Variants in IL6ST observed in about 807,000 individuals in gnomAD.
IL6ST encodes interleukin 6 cytokine family signal transducer, also known as interleukin-6 receptor subunit beta.
Under a neutral mutation model 91.3 loss-of-function variants are expected in IL6ST, and 24 were observed. The ratio of observed to expected loss-of-function variants is 0.26; its 90% CI spans 0.19 to 0.37. IL6ST has a LOEUF of 0.37. Among genes scored for constraint, IL6ST ranks in the 10% least tolerant of loss-of-function variants. The probability of loss-of-function intolerance (pLI) is 1.00; values close to 1 mark genes in which losing one functional copy is unlikely to be tolerated. For missense variants in IL6ST, 914 were observed against 1,078.5 expected, an observed-to-expected ratio of 0.85 and a Z score of 2.14; for synonymous variants, 351 against 373.6, an observed-to-expected ratio of 0.94 and a Z score of 0.70.
chr5:55,942,843 C>G, intron 15 of IL6ST, 92 bp from the exon 16 acceptor site: 1 of 656,204 alleles, frequency 1.5e-6, no homozygotes. Context: ...AAGACTCTTA[C>G]AAACCAAACC....
chr5:55,961,343 T>C (rs1198557506), intron 7 of IL6ST, among the ~76,000 whole-genome samples: 1 of 152,148 alleles, frequency 6.6e-6, no homozygotes, highest in Admixed American at 6.5e-5. Context: ...ACAGTGCAGT[T>C]AGTACTCTGG....
At position 55,936,352 on chromosome 5, in the gene IL6ST, T is replaced by G. The variant is rs560329173; in HGVS notation, c.*4730A>C. On this transcript the variant is annotated 3_prime_UTR_variant, in exon 17 of 17. Coordinates refer to ENST00000381298, the MANE Select transcript of IL6ST (RefSeq NM_002184.4). ...TGACAACCAAGTAGGTTTTTTTTTT[T>G]TTTTTTTTTTTTAATGTCCACTAGG... 563 of 212,052 alleles carry G rather than the reference T, an allele frequency of 2.7e-3. 2 individuals carry two copies. The highest frequency in any genetic ancestry group is 0.011 in the African/African-American group (487 of 42,668). 13.1% of individuals were successfully genotyped at this position (212,052 alleles called of 1,614,324 possible). A position where few individuals can be genotyped will look rare whatever the true frequency, so the allele number is the denominator to read the frequency against.
chr5:55,973,517 T>C (rs1753085361), intron 3 of IL6ST, among the ~76,000 whole-genome samples: 2 of 152,174 alleles, frequency 1.3e-5, no homozygotes, highest in Admixed American at 1.3e-4. Context: ...AGGCCACGTA[T>C]GGTGTTTTGG....
chr5:55,989,798 G>A (rs1754207321), intron 1 of IL6ST, among the ~76,000 whole-genome samples: 1 of 152,102 alleles, frequency 6.6e-6, no homozygotes, highest in African/African-American at 2.4e-5. Context: ...ATAAGGGTAG[G>A]GGTTCCTAGA....
intron 1 of IL6ST, among the ~76,000 whole-genome samples, chr5:55,983,518 C>CACT (rs1753784802): frequency 6.6e-6 from 1 of 152,142 alleles, no homozygotes; most frequent in Non-Finnish European, 1.5e-5. Context: ...CACTTAAATT[C>CACT]TAGCTTAAGT....
intron 11 of IL6ST, 117 bp downstream of exon 11, chr5:55,954,693 T>A: frequency 1.5e-6 from 1 of 664,062 alleles, no homozygotes. Context: ...TAGTAAGTAG[T>A]GAGGCTATGA....
At chr5:55,962,393 T>C (rs11574769) in intron 7 of IL6ST, among the ~76,000 whole-genome samples, 13,456 of 152,240 alleles carry the variant, frequency 0.088, 674 homozygotes, top group Middle Eastern at 0.14. Context: ...AGAGTATGGA[T>C]AGCTGAATGC....
At chr5:55,946,981 T>C (rs1242653469) in intron 15 of IL6ST, among the ~76,000 whole-genome samples, 1 of 151,992 alleles carries the variant, frequency 6.6e-6, no homozygotes, top group Non-Finnish European at 1.5e-5. Flanking sequence ...TGAGGGTGGA[T>C]CCCCTGAGGT....
At position 55,940,966 on chromosome 5, in the gene IL6ST, G is replaced by A. The variant is rs1399666745; in HGVS notation, c.*116C>T. ...AACTTCAGTTCATTTTTGTCCTTAA[G>A]GGCAAATGATCATCTTCAGAGAGTG... On this transcript the variant is annotated 3_prime_UTR_variant, in exon 17 of 17. Transcript: ENST00000381298. The A allele has an allele frequency of 7.7e-6, 8 of 1,041,256 alleles. No homozygotes were observed. The highest frequency in any genetic ancestry group is 1.1e-5 in the Non-Finnish European group (8 of 712,378). The allele number at this position is 1,041,256 out of a possible 1,614,324, so 64.5% of individuals were successfully genotyped here. A position where few individuals can be genotyped will look rare whatever the true frequency, so the allele number is the denominator to read the frequency against.
chr5:55,980,133 C>T (rs1218099075), intron 2 of IL6ST, among the ~76,000 whole-genome samples: 2 of 152,164 alleles, frequency 1.3e-5, no homozygotes, highest in Non-Finnish European at 2.9e-5. Flanking sequence ...CAAATACTGG[C>T]TGTGACAGGG....
At chr5:55,984,495 G>C (rs1753842828) in intron 1 of IL6ST, among the ~76,000 whole-genome samples, 1 of 152,176 alleles carries the variant, frequency 6.6e-6, no homozygotes, top group African/African-American at 2.4e-5. Flanking sequence ...GGCAGAGATT[G>C]GAGTTATGCA....
chr5:55,980,313 G>A (rs1753578906), intron 2 of IL6ST, among the ~76,000 whole-genome samples: 1 of 152,192 alleles, frequency 6.6e-6, no homozygotes, highest in African/African-American at 2.4e-5. Flanking sequence ...ACTCAGGGAG[G>A]CCGAGGTGGG....
At position 55,940,481 on chromosome 5, in the gene IL6ST, A is replaced by ATAAC. The variant is rs2111572517; in HGVS notation, c.*597_*600dup. The ATAAC allele has an allele frequency of 4.7e-6, 1 of 212,688 alleles. No homozygotes were observed. Among genetic ancestry groups the ATAAC allele is most frequent in the East Asian group, 7.1e-5 (1 of 14,166 alleles). The allele number at this position is 212,688 out of a possible 1,614,324, so 13.2% of individuals were successfully genotyped here. Reference sequence around the variant, plus strand: ...GCTCTAGAATTCCTTTTCTCCAGTAATAACTCGCAGCATCACTACCAATGG... The same window carrying ATAAC: ...GCTCTAGAATTCCTTTTCTCCAGTAATAACTAACTCGCAGCATCACTACCAATGG... On this transcript the variant is annotated 3_prime_UTR_variant, in exon 17 of 17. Transcript: ENST00000381298.
chr5:55,968,818 C>G (rs1486103147), intron 4 of IL6ST, among the ~76,000 whole-genome samples: 1 of 152,162 alleles, frequency 6.6e-6, no homozygotes, highest in African/African-American at 2.4e-5. Flanking sequence ...GGAAGAAAAG[C>G]AAATGCCAAA....
At chr5:55,965,302 A>G (rs1561182039) in intron 5 of IL6ST, among the ~76,000 whole-genome samples, 2 of 152,190 alleles carry the variant, frequency 1.3e-5, no homozygotes, top group Non-Finnish European at 2.9e-5. Flanking sequence ...ATGAATAATT[A>G]TGTTAGTGTT....
Position 55,994,530 on chromosome 5 carries a change from G to A in IL6ST, c.-104+254C>T, listed in dbSNP as rs536404165. On this transcript the variant is annotated intron_variant, in intron 1 of 16. Transcript: ENST00000381298. ...GGGCGTTCTGCGGGGCGGGCGTTAA[G>A]AGGGGTGCGTGCGTGCGCCTGGGTG... is the stretch of plus-strand genomic sequence containing the variant. Among the ~76,000 whole-genome samples, 3 of 151,914 alleles carry A rather than the reference G, an allele frequency of 2.0e-5. No individual in the cohort carries two copies. The South Asian group carries it at 6.2e-4, about 32-fold the overall frequency.
intron 13 of IL6ST, 22 bp from the exon 14 acceptor site, chr5:55,951,626 C>T (rs1382322660): frequency 6.3e-7 from 1 of 1,599,414 alleles, no homozygotes; most frequent in Non-Finnish European, 8.5e-7. Flanking sequence ...AAGAACTGTG[C>T]TTCATTCAAC....
rs1306202210 is a variant in IL6ST, at chr5:55,935,211, G to A, written c.*5871C>T. ...GAATGCACAGATGTTTAAATAAAAA[G>A]CCATTTAAGTGAGGGGATAATTCTC... On this transcript the variant is annotated 3_prime_UTR_variant, in exon 17 of 17. Coordinates refer to ENST00000381298, the MANE Select transcript of IL6ST (RefSeq NM_002184.4). 1 of 181,182 alleles carries A rather than the reference G, an allele frequency of 5.5e-6. No individual in the cohort carries two copies. Among genetic ancestry groups the A allele is most frequent in the African/African-American group, 2.4e-5 (1 of 42,346 alleles). The allele number at this position is 181,182 out of a possible 1,614,324, so 11.2% of individuals were successfully genotyped here. A position where few individuals can be genotyped will look rare whatever the true frequency, so the allele number is the denominator to read the frequency against.
intron 1 of IL6ST, among the ~76,000 whole-genome samples, chr5:55,985,514 C>A (rs1410215299): frequency 1.4e-5 from 2 of 141,466 alleles, no homozygotes; most frequent in African/African-American, 5.2e-5. Flanking sequence ...AAATGAGACT[C>A]CTTCTCAAAA....
Sources: allele counts gnomAD v4.1 joint callset (sites outside exome capture counted in the v4.1 genomes callset), GRCh38; gene constraint gnomAD v4.1.1; transcripts MANE v1.5; gene names NCBI Gene and HGNC (gene_info 2026-07-23, HGNC 2026-07-21).